The following CHD1L variants were observed in gnomAD, a reference collection of about 807,000 sequenced individuals.
CHD1L encodes the protein ATP-dependent chromatin remodeler CHD1L.
In CHD1L, 118 loss-of-function variants were observed where a neutral mutation model predicts 115.9. That is an observed-to-expected ratio of 1.02 (90% CI 0.88 to 1.19). The LOEUF is 1.19. Among genes scored for constraint, CHD1L ranks in the 50% most tolerant of loss-of-function variants. The probability of loss-of-function intolerance (pLI) is 0.00; values close to 1 mark genes in which losing one functional copy is unlikely to be tolerated. For missense variants in CHD1L, 1,179 were observed against 1,065.3 expected (o/e 1.11, Z -1.49); for synonymous variants, 411 against 387.1 (o/e 1.06, Z -0.72).
chr1:147,189,289 G>A, the CHD1L span, among the ~76,000 whole-genome samples: 6 of 150,232 alleles, frequency 4.0e-5, no homozygotes, highest in African/African-American at 1.5e-4. Flanking sequence ...AAAAAAGGCA[G>A]TTTAAGGAGT....
At chr1:147,235,091 G>GTGTGTGTT in the CHD1L span, among the ~76,000 whole-genome samples, 4 of 121,100 alleles carry the variant, frequency 3.3e-5, no homozygotes, top group African/African-American at 1.2e-4. Context: ...CCCACACTGT[G>GTGTGTGTT]TGTGTGTGTG....
chr1:147,201,003 TTC>T, the CHD1L span: 1 of 649,824 alleles, frequency 1.5e-6, no homozygotes, highest in Non-Finnish European at 2.6e-6. Context: ...CTACTTTAGA[TTC>T]ACTCAAAAAT....
In CHD1L at chr1:147,270,980, T is replaced by G. The variant is rs1320779160; in HGVS notation, c.1134T>G (p.Ile378Met). The change falls in exon 11 of 23, where the codon ATT becomes ATG. Residue 378 changes from isoleucine to methionine, a missense_variant. By Grantham distance (10) the Ile-to-Met change is conservative. Coordinates refer to ENST00000369258, the MANE Select transcript of CHD1L (RefSeq NM_004284.6). ...CCCAAATGACCCAGATGTTGGATAT[T>G]CTCCAAGACTATATGGATTACAGAG... Reference protein sequence around the residue: ...LFSQMTQMLDILQDYMDYRGY... With the variant: ...LFSQMTQMLDMLQDYMDYRGY... 6.2e-7 allele frequency: 1 copy of G among 1,614,038 alleles called. No homozygotes were observed. The highest frequency in any genetic ancestry group is 8.5e-7 in the Non-Finnish European group (1 of 1,179,932).
chr1:147,233,715 T>C, the CHD1L span, among the ~76,000 whole-genome samples: 1 of 152,052 alleles, frequency 6.6e-6, no homozygotes, highest in Non-Finnish European at 1.5e-5. Context: ...TAGAAAGAAG[T>C]AGACATGGGA....
chr1:147,215,394 A>G, the CHD1L span: 5 of 182,776 alleles, frequency 2.7e-5, no homozygotes, highest in Admixed American at 2.3e-4. Flanking sequence ...GCTAAGCAGT[A>G]ATGGACAAGT....
Position 147,286,381 on chromosome 1 carries a change from AAG to A in CHD1L, c.2107_2108del (p.Ser703LeufsTer3). The A allele has an allele frequency of 1.2e-6, 2 of 1,614,096 alleles. No individual in the cohort carries two copies. The highest frequency in any genetic ancestry group is 1.7e-6 in the Non-Finnish European group (2 of 1,180,004). On this transcript the variant is annotated frameshift_variant, in exon 18 of 23. Coordinates refer to ENST00000369258, the MANE Select transcript of CHD1L (RefSeq NM_004284.6). LOFTEE classifies it high-confidence loss of function. Reference sequence around the variant, plus strand: ...GAGCCAGAGGACCTTGAGAATGGGGAAGAGAGCTCTGCTGAGCTGGATTACCA... The same window carrying A: ...GAGCCAGAGGACCTTGAGAATGGGGAAGAGCTCTGCTGAGCTGGATTACCA...
chr1:147,177,745 A>G, the CHD1L span, among the ~76,000 whole-genome samples: 1 of 152,204 alleles, frequency 6.6e-6, no homozygotes, highest in African/African-American at 2.4e-5. Context: ...GCCACCAAAA[A>G]CAAGGAAAGT....
intron 1 of CHD1L, among the ~76,000 whole-genome samples, chr1:147,246,780 A>G (rs1271906389): frequency 6.6e-6 from 1 of 152,112 alleles, no homozygotes; most frequent in African/African-American, 2.4e-5. Context: ...TATATAATCT[A>G]GATACTAATA....
At chr1:147,178,226 G>C in the CHD1L span, 4 of 1,613,554 alleles carry the variant, frequency 2.5e-6, no homozygotes, top group Non-Finnish European at 3.4e-6. Flanking sequence ...TTGGAGAGTC[G>C]CATCTCCGAC....
chr1:147,233,909 G>A, the CHD1L span, among the ~76,000 whole-genome samples: 1 of 151,920 alleles, frequency 6.6e-6, no homozygotes, highest in Non-Finnish European at 1.5e-5. Context: ...TGCTCGTTAA[G>A]AGTCATCACC....
chr1:147,194,605 A>C, the CHD1L span, among the ~76,000 whole-genome samples: 1 of 152,112 alleles, frequency 6.6e-6, no homozygotes, highest in Non-Finnish European at 1.5e-5. Flanking sequence ...CCTAGCCTTG[A>C]CAGTCTTTAC....
chr1:147,292,642 TG>T (rs1420468944), intron 20 of CHD1L, among the ~76,000 whole-genome samples: 1 of 152,202 alleles, frequency 6.6e-6, no homozygotes, highest in Non-Finnish European at 1.5e-5. Flanking sequence ...CTGCTCCTGC[TG>T]GGGGCTTCAG....
Position 147,286,298 on chromosome 1 carries a change from G to A in CHD1L, c.2019G>A (p.Lys673=). 6.2e-7 allele frequency: 1 copy of A among 1,613,750 alleles called. No homozygotes were observed. The highest frequency in any genetic ancestry group is 8.5e-7 in the Non-Finnish European group (1 of 1,179,826). Residue 673 remains lysine (K), a splice_region_variant and synonymous_variant, in exon 18 of 23, where the codon AAG becomes AAA. Coordinates refer to ENST00000369258, the MANE Select transcript of CHD1L (RefSeq NM_004284.6). ...TCCTTTTGTCTCTGGCCTGCTAAAG[G>A]ATGGCCTGGTGGGAATCCAACAATT... The part of the protein sequence containing the change: ...RQKEEAEHKK[K]MAWWESNNYQ...
At chr1:147,272,749 GAATT>G (rs1311775172) in intron 12 of CHD1L, among the ~76,000 whole-genome samples, 2 of 152,116 alleles carry the variant, frequency 1.3e-5, no homozygotes, top group Non-Finnish European at 2.9e-5. Flanking sequence ...CAACTTTTTA[GAATT>G]ATTTATGACA....
At chr1:147,280,794 A>T (rs1318956218) in intron 15 of CHD1L, among the ~76,000 whole-genome samples, 2 of 152,156 alleles carry the variant, frequency 1.3e-5, no homozygotes, top group African/African-American at 4.8e-5. Context: ...TTCACATGGT[A>T]GCTTTGTAAA....
At chr1:147,191,876 C>G in the CHD1L span, among the ~76,000 whole-genome samples, 5,478 of 151,812 alleles carry the variant, frequency 0.036, 150 homozygotes, top group South Asian at 0.093. Flanking sequence ...CTATATCTCC[C>G]TTTTGGTACC....
intron 1 of CHD1L, among the ~76,000 whole-genome samples, chr1:147,251,330 T>C (rs587702447): frequency 1.3e-5 from 2 of 152,314 alleles, no homozygotes; most frequent in East Asian, 3.9e-4. Context: ...GCTTCTTCAC[T>C]ACACCTTTCA....
chr1:147,284,316 T>C, intron 15 of CHD1L, 35 bp from the exon 16 acceptor site: 1 of 1,491,636 alleles, frequency 6.7e-7, no homozygotes, highest in Non-Finnish European at 9.1e-7. Flanking sequence ...TTCCTTGGTA[T>C]CTAACATTTC....
At chr1:147,263,051 ATG>A (rs1559777798) in intron 6 of CHD1L, among the ~76,000 whole-genome samples, 1 of 152,168 alleles carries the variant, frequency 6.6e-6, no homozygotes, top group Admixed American at 6.5e-5. Context: ...ATGTATGTAA[ATG>A]TGTATATACA....
Sources: allele counts gnomAD v4.1 joint callset (sites outside exome capture counted in the v4.1 genomes callset), GRCh38; gene constraint gnomAD v4.1.1; transcripts MANE v1.5; gene names NCBI Gene and HGNC (gene_info 2026-07-23, HGNC 2026-07-21).